RASSF8: variants seen among roughly 807,000 people sequenced by gnomAD.
The protein encoded by RASSF8 is Ras association domain family member 8.
Under a neutral mutation model 48.5 loss-of-function variants are expected in RASSF8, and 22 were observed. That is an observed-to-expected ratio of 0.45 (90% CI 0.32 to 0.65). The LOEUF is 0.65. Ranked by LOEUF, RASSF8 falls within the 30% of genes least tolerant of loss-of-function variation. The pLI is 0.03. For missense variants in RASSF8, 418 were observed against 489.2 expected (o/e 0.85, Z 1.37); for synonymous variants, 127 against 171.5 (o/e 0.74, Z 2.03).
At chr12:26,024,234 C>T (rs1471263942) in intron 2 of RASSF8, among the ~76,000 whole-genome samples, 2 of 152,098 alleles carry the variant, frequency 1.3e-5, no homozygotes, top group African/African-American at 4.8e-5. Context: ...CTCCTGGCCT[C>T]AAGCAATCTT....
At chr12:26,043,114 G>A (rs1214519708) in intron 2 of RASSF8, among the ~76,000 whole-genome samples, 1 of 152,172 alleles carries the variant, frequency 6.6e-6, no homozygotes, top group Non-Finnish European at 1.5e-5. Context: ...GGTTCCAGAG[G>A]TAATAGGACA....
At chr12:25,969,258 G>A (rs1941429958) in intron 1 of RASSF8, among the ~76,000 whole-genome samples, 1 of 152,150 alleles carries the variant, frequency 6.6e-6, no homozygotes, top group Non-Finnish European at 1.5e-5. Context: ...CTCCGGAGCT[G>A]GCTACTGCGG....
Position 26,037,331 on chromosome 12 carries a change from C to A in RASSF8, c.-108-17905C>A, listed in dbSNP as rs148398750. Among the ~76,000 whole-genome samples the A allele has an allele frequency of 9.8e-4, 149 of 152,328 alleles. 1 individual carries two copies. Among genetic ancestry groups the A allele is most frequent in the Admixed American group, 6.4e-3 (98 of 15,306 alleles). On this transcript the variant is annotated intron_variant, in intron 2 of 5. Coordinates refer to ENST00000689635, the MANE Select transcript of RASSF8 (RefSeq NM_001394098.1). ...TTGTCACCTCCGTGGATCTTTGTCA[C>A]TGCCAAACACCACCCTCACTCCCTT... is the stretch of plus-strand genomic sequence containing the variant.
intron 1 of RASSF8, among the ~76,000 whole-genome samples, chr12:25,981,139 T>C (rs1231289308): frequency 6.6e-6 from 1 of 152,016 alleles, no homozygotes; most frequent in African/African-American, 2.4e-5. Flanking sequence ...TTCTGGATGA[T>C]TGTTTTGTTG....
At chr12:26,019,166 T>C (rs1198515476) in intron 2 of RASSF8, among the ~76,000 whole-genome samples, 1 of 152,236 alleles carries the variant, frequency 6.6e-6, no homozygotes, top group Non-Finnish European at 1.5e-5. Flanking sequence ...GAGTATACTC[T>C]ATTGCGCTAT....
chr12:26,069,339 C>T lies in RASSF8; in HGVS notation c.*521C>T, dbSNP rs1943952220. 1.0e-6 allele frequency: 1 copy of T among 984,806 alleles called. No individual in the cohort carries two copies. The highest frequency in any genetic ancestry group is 1.2e-6 in the Non-Finnish European group (1 of 829,376). 61.0% of individuals were successfully genotyped at this position (984,806 alleles called of 1,614,324 possible). ...TACACAAGTGTCCTAGGGTGCTCCA[C>T]CATCGAAGCTAACTCCACAGGAAGC... is the stretch of plus-strand genomic sequence containing the variant. On this transcript the variant is annotated 3_prime_UTR_variant, in exon 6 of 6. Transcript: ENST00000689635.
chr12:25,989,783 G>A (rs1181625718), intron 1 of RASSF8, among the ~76,000 whole-genome samples: 1 of 151,952 alleles, frequency 6.6e-6, no homozygotes, highest in Admixed American at 6.6e-5. Flanking sequence ...TCAAGGGTGT[G>A]GTGGGGCATG....
intron 2 of RASSF8, among the ~76,000 whole-genome samples, chr12:26,043,917 G>A (rs1591794700): frequency 6.6e-6 from 1 of 152,204 alleles, no homozygotes; most frequent in East Asian, 1.9e-4. Context: ...CTTTGAGGGA[G>A]GGTGTTGGGA....
Position 26,064,698 on chromosome 12 carries a change from T to C in RASSF8, c.304T>C (p.Tyr102His). 6.2e-7 allele frequency: 1 copy of C among 1,614,064 alleles called. No individual in the cohort carries two copies. The highest frequency in any genetic ancestry group is 8.5e-7 in the Non-Finnish European group (1 of 1,179,992). ...GGCTCGAATTCCTGAAAGAACTTTA[T>C]ACAGGCAGAGTCTGCCCCCCTTAGC... The part of the protein sequence containing the change: ...SVARIPERTL[Y>H]RQSLPPLAKL... Residue 102 changes from tyrosine (Y) to histidine (H), a missense_variant, in exon 4 of 6, where the codon TAC (tyrosine) becomes CAC (histidine). Tyr to His is a moderately conservative substitution (Grantham distance 83). Transcript: ENST00000689635.
At chr12:25,979,695 G>C (rs963552839) in intron 1 of RASSF8, among the ~76,000 whole-genome samples, 3 of 152,120 alleles carry the variant, frequency 2.0e-5, no homozygotes, top group Non-Finnish European at 4.4e-5. Context: ...GCTAGGATTC[G>C]AGGCCAAGGG....
intron 1 of RASSF8, among the ~76,000 whole-genome samples, chr12:25,977,353 G>T (rs1431573016): frequency 2.0e-5 from 3 of 152,150 alleles, no homozygotes; most frequent in Admixed American, 6.5e-5. Flanking sequence ...CTATAACCGT[G>T]ACCATTACAC....
At chr12:25,970,025 C>T (rs927697818) in intron 1 of RASSF8, among the ~76,000 whole-genome samples, 13 of 152,034 alleles carry the variant, frequency 8.6e-5, no homozygotes, top group African/African-American at 2.9e-4. Context: ...CAGGGAAGCC[C>T]ACGAGCTCCC....
chr12:25,988,802 A>G lies in RASSF8; in HGVS notation c.-202-6235A>G, dbSNP rs192962403. On this transcript the variant is annotated intron_variant, in intron 1 of 5. Coordinates refer to ENST00000689635, the MANE Select transcript of RASSF8 (RefSeq NM_001394098.1). ...AAGAAATGGGATGGGATTCCATGGT[A>G]TGGTAGGGAAATGGGTCTAAACAAG... 6.7e-4 allele frequency among the ~76,000 whole-genome samples: 102 copies of G among 152,300 alleles called. 1 individual carries two copies. Among genetic ancestry groups the G allele is most frequent in the Non-Finnish European group, 3.1e-4 (21 of 68,022 alleles).
intron 2 of RASSF8, among the ~76,000 whole-genome samples, chr12:26,054,904 A>T (rs1396313432): frequency 7.2e-5 from 11 of 152,210 alleles, no homozygotes; most frequent in Admixed American, 7.2e-4. Flanking sequence ...TTTGCCTCAG[A>T]AATTATCCTA....
Position 25,997,966 on chromosome 12 carries a change from G to A in RASSF8, c.-109+2836G>A, listed in dbSNP as rs146618102. On this transcript the variant is annotated intron_variant, in intron 2 of 5. Transcript: ENST00000689635. The stretch of plus-strand genomic sequence containing the variant: ...GATTGACATTTTCTGATAATGTATC[G>A]CAAACTAGTTATTTCAGATTTTGAG... 3.0e-3 allele frequency among the ~76,000 whole-genome samples: 456 copies of A among 152,194 alleles called. 3 individuals are homozygous for A. Among genetic ancestry groups the A allele is most frequent in the African/African-American group, 0.011 (441 of 41,514 alleles).
At chr12:26,038,608 AACACACACACACACACACACACAC>A (rs57536643) in intron 2 of RASSF8, among the ~76,000 whole-genome samples, 2 of 144,964 alleles carry the variant, frequency 1.4e-5, no homozygotes, top group South Asian at 2.3e-4. Flanking sequence ...TTCTTATTAA[AACACACACACACACACACACACAC>A]ACACACACAC....
intron 2 of RASSF8, among the ~76,000 whole-genome samples, chr12:26,008,265 C>T (rs529945591): frequency 6.0e-5 from 9 of 148,932 alleles, no homozygotes; most frequent in African/African-American, 1.5e-4. Flanking sequence ...AGCGAGACTC[C>T]GTTTAAAAAA....
chr12:25,986,367 C>T (rs947831705), intron 1 of RASSF8, among the ~76,000 whole-genome samples: 4 of 152,188 alleles, frequency 2.6e-5, no homozygotes, highest in African/African-American at 9.6e-5. Context: ...TTATAACTGT[C>T]CCAAGTTCAC....
At chr12:26,042,229 G>A (rs974554352) in intron 2 of RASSF8, among the ~76,000 whole-genome samples, 2 of 152,164 alleles carry the variant, frequency 1.3e-5, no homozygotes, top group African/African-American at 2.4e-5. Flanking sequence ...TGTTCACTCT[G>A]TATATTCCCA....
Sources: gnomAD v4.1 joint callset for allele counts (sites outside exome capture counted in the v4.1 genomes callset) on GRCh38, gnomAD v4.1.1 for gene constraint, MANE v1.5 for transcripts, NCBI Gene and HGNC (gene_info 2026-07-23, HGNC 2026-07-21) for gene names.